Variants in LLGL2 observed in about 807,000 individuals in gnomAD.
LLGL2 encodes LLGL scribble cell polarity complex component 2, also known as LLGL2, scribble cell polarity complex component.
LLGL2 carries 81 observed loss-of-function variants against 123.2 expected under a neutral mutation model. The ratio of observed to expected loss-of-function variants is 0.66; its 90% CI spans 0.55 to 0.79. The LOEUF (loss-of-function observed/expected upper bound fraction) is 0.79, where lower values mean the gene tolerates loss of function less well. Among genes scored for constraint, LLGL2 ranks in the 30% least tolerant of loss-of-function variants. The pLI is 0.00. For missense variants in LLGL2, 1,273 were observed against 1,414.6 expected (o/e 0.90, Z 1.61); for synonymous variants, 577 against 594.1 (o/e 0.97, Z 0.42).
chr17:75,569,905 C>G (rs1486793542), intron 14 of LLGL2, 58 bp from the exon 15 acceptor site: 5 of 1,523,742 alleles, frequency 3.3e-6, no homozygotes, highest in Non-Finnish European at 4.4e-6. Context: ...TAGTAGCATC[C>G]TGCGGCCCTG....
chr17:75,569,261 G>A lies in LLGL2; in HGVS notation c.1517G>A (p.Gly506Asp), dbSNP rs770000521. The A allele has an allele frequency of 5.0e-6, 8 of 1,613,588 alleles. No homozygotes were observed. In the East Asian group the frequency reaches 1.8e-4, roughly 36 times the overall value. ...CCCTACAGTGATGACCCCCGGCTGG[G>A]CATCCAGAAGATCTTCCTCTGCAAG... ...FDPYSDDPRL[G>D]IQKIFLCKYS... Residue 506 changes from glycine to aspartate, a missense_variant, in exon 14 of 26, where the codon GGC becomes GAC. By Grantham distance (94) the Gly-to-Asp change is moderately conservative. Transcript: ENST00000392550.
chr17:75,555,823 C>G (rs921975916), intron 2 of LLGL2, among the ~76,000 whole-genome samples: 2 of 152,318 alleles, frequency 1.3e-5, no homozygotes, highest in East Asian at 1.9e-4. Context: ...CGGGGAAGAT[C>G]AGCTCGCAGG....
chr17:75,563,555 G>A, intron 8 of LLGL2, 92 bp downstream of exon 8: 3 of 1,564,376 alleles, frequency 1.9e-6, no homozygotes, highest in Middle Eastern at 2.1e-4. Flanking sequence ...TCCAGGGCCA[G>A]AGAGGGTAAA....
intron 17 of LLGL2, 72 bp downstream of exon 17, chr17:75,571,172 C>A: frequency 1.4e-6 from 2 of 1,421,532 alleles, no homozygotes; most frequent in South Asian, 2.5e-5. Context: ...GGGGGCATGC[C>A]GGGGGCTGCT....
At position 75,570,453 on chromosome 17, in the gene LLGL2, C is replaced by T. The variant is rs939845402; in HGVS notation, c.1980C>T (p.Ser660=). The change falls in exon 16 of 26, where the codon AGC becomes AGT. Residue 660 remains serine (S), a synonymous_variant. Transcript: ENST00000392550. ...AGTCATTCCGCCGGATGCGTCGGAGCCGGGTGTCCAGCCGGAAGCGGCACC... is the reference window on the plus strand; with the variant it reads ...AGTCATTCCGCCGGATGCGTCGGAGTCGGGTGTCCAGCCGGAAGCGGCACC... The part of the protein sequence containing the change: ...LRQSFRRMRR[S]RVSSRKRHPA... 6.3e-7 allele frequency: 1 copy of T among 1,595,562 alleles called. No individual in the cohort carries two copies. The highest frequency in any genetic ancestry group is 8.5e-7 in the Non-Finnish European group (1 of 1,172,310).
intron 16 of LLGL2, 106 bp downstream of exon 16, chr17:75,570,604 A>G (rs2055660151): frequency 7.3e-7 from 1 of 1,364,742 alleles, no homozygotes; most frequent in Admixed American, 2.5e-5. Flanking sequence ...CTAGGCTACA[A>G]ACAAGATTCA....
chr17:75,532,082 T>TACACACACACACACAC (rs2053817635), intron 1 of LLGL2, among the ~76,000 whole-genome samples: 2 of 30,876 alleles, frequency 6.5e-5, no homozygotes, highest in East Asian at 9.5e-4. Context: ...ACACACTTTT[T>TACACACACACACACAC]TTTTTTTTTT....
Position 75,570,199 on chromosome 17 carries a change from C to G in LLGL2, c.1818C>G (p.Gly606=). Residue 606 remains glycine, a synonymous_variant, in exon 15 of 26, where the codon GGC becomes GGG. Transcript: ENST00000392550. The stretch of plus-strand genomic sequence containing the variant: ...CTGAGTGGCGGCTCGTGGCCTTCGG[C>G]ACCAGCCATGGCTTTGGCCTCTTTG... The part of the protein sequence containing the change: ...LHSEWRLVAF[G]TSHGFGLFDH... 2 of 1,591,372 alleles carry G rather than the reference C, an allele frequency of 1.3e-6. No individual in the cohort carries two copies. The highest frequency in any genetic ancestry group is 1.7e-6 in the Non-Finnish European group (2 of 1,171,428).
chr17:75,573,690 GAT>G (rs1167225919), intron 21 of LLGL2, 59 bp downstream of exon 21: 1 of 1,426,006 alleles, frequency 7.0e-7, no homozygotes, highest in African/African-American at 2.0e-5. Context: ...CCCTCTCTGA[GAT>G]ACCGAGGCTC....
In LLGL2 at chr17:75,571,666, G is replaced by T; in HGVS notation, c.2177-1G>T. The T allele has an allele frequency of 6.2e-7, 1 of 1,606,476 alleles. No individual in the cohort carries two copies. On this transcript the variant is annotated splice_acceptor_variant, in intron 17 of 25. Transcript: ENST00000392550. LOFTEE classifies it high-confidence loss of function. ...GACACCCAAACATGGCTTCTCGGCA[G>T]GCTCCCGGCACTGCCCCTCGCTGTG...
At chr17:75,545,933 T>C (rs2054402681) in intron 2 of LLGL2, among the ~76,000 whole-genome samples, 2 of 152,132 alleles carry the variant, frequency 1.3e-5, no homozygotes, top group African/African-American at 4.8e-5. Flanking sequence ...CTGTGCGTTG[T>C]AGATTATTTA....
intron 21 of LLGL2, 27 bp downstream of exon 21, chr17:75,573,658 C>A (rs774952733): frequency 6.8e-7 from 1 of 1,475,032 alleles, no homozygotes; most frequent in Non-Finnish European, 9.1e-7. Context: ...GAGGCCTCTC[C>A]CGCCCCTCCC....
chr17:75,567,478 G>T (rs112041303), intron 10 of LLGL2, among the ~76,000 whole-genome samples: 233 of 147,736 alleles, frequency 1.6e-3, no homozygotes, highest in African/African-American at 5.3e-3. Flanking sequence ...AAATAAAAAA[G>T]AAAAACAAAA....
At position 75,558,839 on chromosome 17, in the gene LLGL2, GCACCCCAC is replaced by G. The variant is rs2055046547; in HGVS notation, c.371+214_371+221del. 1 of 340,712 alleles carries G rather than the reference GCACCCCAC, an allele frequency of 2.9e-6. No homozygotes were observed. Among genetic ancestry groups the G allele is most frequent in the South Asian group, 3.6e-5 (1 of 28,084 alleles). 21.1% of individuals were successfully genotyped at this position (340,712 alleles called of 1,614,324 possible). A position where few individuals can be genotyped will look rare whatever the true frequency, so the allele number is the denominator to read the frequency against. On this transcript the variant is annotated intron_variant, in intron 5 of 25. Transcript: ENST00000392550. This position sits in a 1 kb window ranked among gnomAD's most constrained non-coding sequence, Gnocchi z 4.0. ...CATCCACACCACGCCTCCTCCATCCGCACCCCACCTCCTCCATCCGCACCCCGCCTCCT... is the reference window on the plus strand; with the variant it reads ...CATCCACACCACGCCTCCTCCATCCGCTCCTCCATCCGCACCCCGCCTCCT...
At position 75,569,228 on chromosome 17, in the gene LLGL2, C is replaced by T. The variant is rs2147526563; in HGVS notation, c.1484C>T (p.Ser495Phe). 1 of 1,613,580 alleles carries T rather than the reference C, an allele frequency of 6.2e-7. No individual in the cohort carries two copies. Among genetic ancestry groups the T allele is most frequent in the Non-Finnish European group, 8.5e-7 (1 of 1,179,984 alleles). Residue 495 changes from serine (S) to phenylalanine (F), a missense_variant, in exon 14 of 26, where the codon TCC becomes TTC. By Grantham distance (155) the Ser-to-Phe change is radical (BLOSUM62 -2). Coordinates refer to ENST00000392550, the MANE Select transcript of LLGL2 (RefSeq NM_001031803.2). The stretch of plus-strand genomic sequence containing the variant: ...GCCCCTCCCCTTCTCCAGGTGGGCT[C>T]CTTTGACCCCTACAGTGATGACCCC... ...DEWPPLRKVG[S>F]FDPYSDDPRL...
chr17:75,574,306 G>C lies in LLGL2; in HGVS notation c.2953+46G>C, dbSNP rs1403695318. On this transcript the variant is annotated intron_variant, in intron 23 of 25. Transcript: ENST00000392550. The stretch of plus-strand genomic sequence containing the variant: ...TGGGGCTGGCAGGAGGGGTGGGGAA[G>C]GGGGGTCAGGGTCAAGGGAGGCTGG... 23 of 1,485,848 alleles carry C rather than the reference G, an allele frequency of 1.5e-5. No homozygotes were observed. In the Admixed American group the frequency reaches 2.9e-4, roughly 19 times the overall value. 92.0% of individuals were successfully genotyped at this position (1,485,848 alleles called of 1,614,324 possible).
rs2054899393 is a variant in LLGL2 at position 75,556,064 on chromosome 17, C to T, written c.94C>T (p.Pro32Ser). 5 of 1,609,112 alleles carry T rather than the reference C, an allele frequency of 3.1e-6. No individual in the cohort carries two copies. In the East Asian group the frequency reaches 1.1e-4, roughly 36 times the overall value. Residue 32 changes from proline to serine, a missense_variant, in exon 3 of 26, where the codon CCG (proline) becomes TCG (serine). Transcript: ENST00000392550. ...QFNKTVEHGF[P>S]HQPSALGYSP... ...GTTGCAGACGGTGGAGCATGGCTTC[C>T]CGCACCAGCCCAGCGCCCTCGGCTA...
At chr17:75,565,713 G>C (rs2055415540) in intron 10 of LLGL2, among the ~76,000 whole-genome samples, 1 of 152,208 alleles carries the variant, frequency 6.6e-6, no homozygotes, top group Non-Finnish European at 1.5e-5. Context: ...TTGTCCCTCT[G>C]TGTCCCCAAC....
chr17:75,547,103 A>T (rs1041504827), intron 2 of LLGL2, among the ~76,000 whole-genome samples: 2 of 152,106 alleles, frequency 1.3e-5, no homozygotes, highest in Non-Finnish European at 2.9e-5. Context: ...TTTTTGTCCA[A>T]CACCTTTTGG....
Sources: gnomAD v4.1 joint callset for allele counts (sites outside exome capture counted in the v4.1 genomes callset) on GRCh38, gnomAD v4.1.1 for gene constraint, Gnocchi (gnomAD v3.1) non-coding constraint, MANE v1.5 for transcripts, NCBI Gene and HGNC (gene_info 2026-07-23, HGNC 2026-07-21) for gene names.